LAMP2: variants seen among roughly 807,000 people sequenced by gnomAD.
The protein encoded by LAMP2 is lysosome-associated membrane glycoprotein 2.
Under a neutral mutation model 25.6 loss-of-function variants are expected in LAMP2, and 4 were observed. The ratio of observed to expected loss-of-function variants is 0.16; its 90% CI spans 0.08 to 0.36. The LOEUF is 0.36. Ranked by LOEUF, LAMP2 falls within the 10% of genes least tolerant of loss-of-function variation. LAMP2 has a pLI of 1.00. For missense variants in LAMP2, 272 were observed against 301.4 expected, an observed-to-expected ratio of 0.90 and a Z score of 0.72; for synonymous variants, 108 against 112.7, an observed-to-expected ratio of 0.96 and a Z score of 0.27.
At position 120,449,022 on chromosome X, in the gene LAMP2, G is replaced by A. The variant is rs150520869; in HGVS notation, c.504C>T (p.Tyr168=). 127 of 1,207,219 alleles carry A rather than the reference G, an allele frequency of 1.1e-4. No individual in the cohort carries two copies. In the African/African-American group the frequency reaches 1.9e-3, roughly 18 times the overall value. ...CAAAAGCTTGTACAAGAACATCCCAGTAGTGTTGGACAACATCATTCTTTT... is the reference window on the plus strand; with the variant it reads ...CAAAAGCTTGTACAAGAACATCCCAATAGTGTTGGACAACATCATTCTTTT... ...TLEKNDVVQH[Y]WDVLVQAFVQ... Residue 168 remains tyrosine (Y), a synonymous_variant, in exon 4 of 9, where the codon TAC becomes TAT. Coordinates refer to ENST00000200639, the MANE Select transcript of LAMP2 (RefSeq NM_002294.3).
At chrX:120,469,017 C>A in intron 1 of LAMP2, 89 bp downstream of exon 1, 1 of 1,012,058 alleles carries the variant, frequency 9.9e-7, no homozygotes, top group African/African-American at 1.9e-5. Context: ...TCAACCCCCT[C>A]CCCCTCGGAC....
rs2058605089 is a variant in LAMP2 at position 120,447,966 on chromosome X, G to A, written c.616C>T (p.Pro206Ser). 2 of 1,209,342 alleles carry A rather than the reference G, an allele frequency of 1.7e-6. No homozygotes were observed. The highest frequency in any genetic ancestry group is 1.8e-5 in the South Asian group (1 of 56,950). ...TVAPTIHTTV[P>S]SPTTTPTPKE... ...GGAGTAGGTGTTGTAGTAGGAGATGGCACAGTGGTGTGTATGGTGGGTGCC... is the reference window on the plus strand; with the variant it reads ...GGAGTAGGTGTTGTAGTAGGAGATGACACAGTGGTGTGTATGGTGGGTGCC... Residue 206 changes from proline (P) to serine (S), a missense_variant, in exon 5 of 9, where the codon CCA becomes TCA. Physicochemically the swap from Pro to Ser is moderately conservative, Grantham distance 74. Coordinates refer to ENST00000200639, the MANE Select transcript of LAMP2 (RefSeq NM_002294.3).
chrX:120,458,936 G>A (rs967531509), intron 1 of LAMP2, among the ~76,000 whole-genome samples: 1 of 111,843 alleles, frequency 8.9e-6, no homozygotes, highest in Admixed American at 9.5e-5. Flanking sequence ...TAATCCTTAA[G>A]TACCATTTCC....
rs2058521386 is a variant in LAMP2, at chrX:120,431,202, T to C, written c.*121A>G. 8.5e-7 allele frequency: 1 copy of C among 1,180,303 alleles called. No homozygotes were observed. The highest frequency in any genetic ancestry group is 1.1e-6 in the Non-Finnish European group (1 of 877,346). On this transcript the variant is annotated 3_prime_UTR_variant, in exon 9 of 9. Transcript: ENST00000200639. ...AAAGACTGATCTCAAAATGCTGGGA[T>C]TGATAAAAGAATTAAAGTTTCAACA...
intron 3 of LAMP2, among the ~76,000 whole-genome samples, chrX:120,450,509 A>G (rs1366037023): frequency 8.9e-6 from 1 of 112,689 alleles, no homozygotes; most frequent in Non-Finnish European, 1.9e-5. Context: ...GGACTTCAAA[A>G]GCAAATCAGC....
intron 1 of LAMP2, among the ~76,000 whole-genome samples, chrX:120,462,414 C>T (rs1025820049): frequency 1.9e-5 from 2 of 105,608 alleles, no homozygotes; most frequent in African/African-American, 3.5e-5. Flanking sequence ...CTCAACTACT[C>T]GGGAGGCTGA....
chrX:120,457,449 T>G (rs1921145036), intron 1 of LAMP2, among the ~76,000 whole-genome samples: 1 of 112,202 alleles, frequency 8.9e-6, no homozygotes, highest in African/African-American at 3.2e-5. Context: ...AAAACATGAA[T>G]TCTGATAAAT....
At chrX:120,438,404 A>G in intron 8 of LAMP2, 1 of 744,594 alleles carries the variant, frequency 1.3e-6, no homozygotes, top group Non-Finnish European at 1.6e-6. Context: ...ATGGATTGAA[A>G]TGCCCAGTTG....
intron 8 of LAMP2, chrX:120,436,737 A>AAAGAACATG: frequency 1.4e-6 from 1 of 720,761 alleles, no homozygotes; most frequent in Non-Finnish European, 1.6e-6. Flanking sequence ...CAAAAGGTAC[A>AAAGAACATG]AAGAACATGT....
In LAMP2 at chrX:120,439,841, G is replaced by A. The variant is rs189851099; in HGVS notation, c.1093+1889C>T. Reference sequence around the variant, plus strand: ...GCCAGATTAGCCTCTCAGTGGTAGAGTGAATGTCTTTTGGGAAAGTGGAAA... The same window carrying A: ...GCCAGATTAGCCTCTCAGTGGTAGAATGAATGTCTTTTGGGAAAGTGGAAA... On this transcript the variant is annotated intron_variant, in intron 8 of 8. Coordinates refer to ENST00000200639, the MANE Select transcript of LAMP2 (RefSeq NM_002294.3). Among the ~76,000 whole-genome samples, 13 of 110,773 alleles carry A rather than the reference G, an allele frequency of 1.2e-4. No individual in the cohort carries two copies. In the East Asian group the frequency reaches 2.8e-3, roughly 24 times the overall value.
In LAMP2 at chrX:120,441,898, CA is replaced by C; in HGVS notation, c.929-5del. On this transcript the variant is annotated splice_polypyrimidine_tract_variant and splice_region_variant and intron_variant, in intron 7 of 8. Transcript: ENST00000200639. ...TTGTTATTTGCAATGCTGAAAACTT[CA>C]AAGAAAAGAAACAGGTTAGTAACTT... 8.3e-7 allele frequency: 1 copy of C among 1,206,687 alleles called. No homozygotes were observed. Among genetic ancestry groups the C allele is most frequent in the Non-Finnish European group, 1.1e-6 (1 of 891,229 alleles).
At chrX:120,466,304 T>G (rs1921528396) in intron 1 of LAMP2, among the ~76,000 whole-genome samples, 1 of 112,312 alleles carries the variant, frequency 8.9e-6, no homozygotes, top group Admixed American at 9.4e-5. Flanking sequence ...AGCCAACAAG[T>G]AGGACAACTA....
At chrX:120,432,371 A>T (rs1406239691) in intron 8 of LAMP2, among the ~76,000 whole-genome samples, 1 of 111,221 alleles carries the variant, frequency 9.0e-6, no homozygotes, top group Non-Finnish European at 1.9e-5. Context: ...CAAAGGTACT[A>T]TATGCTCTTA....
intron 6 of LAMP2, among the ~76,000 whole-genome samples, chrX:120,443,262 AGT>A (rs2058581792): frequency 1.8e-5 from 2 of 112,120 alleles, no homozygotes; most frequent in East Asian, 5.6e-4. Flanking sequence ...GAGGAGAAAA[AGT>A]AATGCCAGCT....
At chrX:120,466,317 A>T (rs1921528751) in intron 1 of LAMP2, among the ~76,000 whole-genome samples, 1 of 112,516 alleles carries the variant, frequency 8.9e-6, no homozygotes, top group Non-Finnish European at 1.9e-5. Flanking sequence ...GACAACTATT[A>T]TTTTTTTCAC....
intron 5 of LAMP2, among the ~76,000 whole-genome samples, chrX:120,446,962 A>G (rs1293293830): frequency 8.9e-6 from 1 of 112,341 alleles, no homozygotes; most frequent in Non-Finnish European, 1.9e-5. Context: ...TGATCCACTG[A>G]TGGCAAATAG....
rs761785059 is a variant in LAMP2, at chrX:120,427,775, T to TA, written c.*3547dup. 1.9e-4 allele frequency: 21 copies of TA among 111,451 alleles called. No individual in the cohort carries two copies. The highest frequency in any genetic ancestry group is 1.0e-3 in the Admixed American group (11 of 10,501). The allele number at this position is 111,451 out of a possible 1,213,427, so 9.2% of individuals were successfully genotyped here. Reference sequence around the variant, plus strand: ...AGGTGTTCCAAATCAACACCTTTTTTAAAAAAAGCTGGAGGTCTTACTTCA... The same window carrying TA: ...AGGTGTTCCAAATCAACACCTTTTTTAAAAAAAAGCTGGAGGTCTTACTTCA... On this transcript the variant is annotated 3_prime_UTR_variant, in exon 9 of 9. Coordinates refer to ENST00000200639, the MANE Select transcript of LAMP2 (RefSeq NM_002294.3).
chrX:120,448,960 C>T lies in LAMP2; in HGVS notation c.556+10G>A. 1 of 1,201,737 alleles carries T rather than the reference C, an allele frequency of 8.3e-7. No individual in the cohort carries two copies. ...TAGGATCCAAGTAGAGAAATATATACTTTACTCACCATTTGTGCTCACTGT... is the reference window on the plus strand; with the variant it reads ...TAGGATCCAAGTAGAGAAATATATATTTTACTCACCATTTGTGCTCACTGT... On this transcript the variant is annotated intron_variant, in intron 4 of 8. Coordinates refer to ENST00000200639, the MANE Select transcript of LAMP2 (RefSeq NM_002294.3).
At chrX:120,455,023 G>GTGTA (rs1163921510) in intron 3 of LAMP2, among the ~76,000 whole-genome samples, 1 of 98,982 alleles carries the variant, frequency 1.0e-5, no homozygotes, top group African/African-American at 3.7e-5. Context: ...GGATATATGT[G>GTGTA]TATATATATA....
Sources: allele counts gnomAD v4.1 joint callset (sites outside exome capture counted in the v4.1 genomes callset), GRCh38; gene constraint gnomAD v4.1.1; transcripts MANE v1.5; gene names NCBI Gene and HGNC (gene_info 2026-07-23, HGNC 2026-07-21).